RALYL: variants seen among roughly 807,000 people sequenced by gnomAD.
RALYL encodes the protein RNA-binding Raly-like protein.
In RALYL, 29 loss-of-function variants were observed where a neutral mutation model predicts 35.1. The ratio of observed to expected loss-of-function variants is 0.83; its 90% CI spans 0.61 to 1.13. RALYL has a LOEUF of 1.13. Among genes scored for constraint, RALYL ranks in the 50% most tolerant of loss-of-function variants. The probability of loss-of-function intolerance (pLI) is 0.00; values close to 1 mark genes in which losing one functional copy is unlikely to be tolerated. For synonymous variants in RALYL, 120 were observed against 127.6 expected (o/e 0.94, Z 0.40); for missense variants, 359 against 360.4 (o/e 1.00, Z 0.03).
chr8:84,838,391 G>T (rs1442111375), intron 4 of RALYL, among the ~76,000 whole-genome samples: 3 of 152,152 alleles, frequency 2.0e-5, no homozygotes, highest in South Asian at 4.1e-4. Context: ...AATCAGACTT[G>T]CCCTGGTGTG....
intron 8 of RALYL, among the ~76,000 whole-genome samples, chr8:84,904,622 C>T (rs1846184210): frequency 1.3e-5 from 2 of 151,248 alleles, no homozygotes. Flanking sequence ...AAATAGTTCA[C>T]GGGTTGTCTA....
intron 1 of RALYL, among the ~76,000 whole-genome samples, chr8:84,441,793 G>A (rs2048358340): frequency 6.6e-6 from 1 of 152,010 alleles, no homozygotes; most frequent in Non-Finnish European, 1.5e-5. Flanking sequence ...CAAAATAGGG[G>A]TTTTCATTGT....
intron 1 of RALYL, among the ~76,000 whole-genome samples, chr8:84,463,357 G>A (rs2051052635): frequency 6.6e-6 from 1 of 151,930 alleles, no homozygotes; most frequent in Non-Finnish European, 1.5e-5. Flanking sequence ...ATAGCATACT[G>A]CACTATCATA....
At chr8:84,627,124 A>G (rs1822905851) in intron 2 of RALYL, among the ~76,000 whole-genome samples, 1 of 152,208 alleles carries the variant, frequency 6.6e-6, no homozygotes, top group Admixed American at 6.5e-5. Flanking sequence ...TTACTGCAAC[A>G]ATAGAAGCAT....
chr8:84,757,425 GA>G, intron 2 of RALYL, among the ~76,000 whole-genome samples: 1 of 152,216 alleles, frequency 6.6e-6, no homozygotes, highest in Non-Finnish European at 1.5e-5. Flanking sequence ...AAATTCTTGG[GA>G]AAAAACTGCC....
At chr8:84,579,297 G>T (rs1810279650) in intron 2 of RALYL, among the ~76,000 whole-genome samples, 1 of 152,178 alleles carries the variant, frequency 6.6e-6, no homozygotes, top group African/African-American at 2.4e-5. Flanking sequence ...ACCAGGAGTG[G>T]GCAGAGGACA....
intron 1 of RALYL, chr8:84,184,731 GCCGGGCA>G: frequency 2.5e-6 from 1 of 401,884 alleles, no homozygotes; most frequent in South Asian, 7.3e-5. Context: ...GGCCGCGCCG[GCCGGGCA>G]CTAGGCGGCC....
chr8:84,905,790 G>A (rs946304380), intron 8 of RALYL, among the ~76,000 whole-genome samples: 4 of 150,252 alleles, frequency 2.7e-5, no homozygotes, highest in East Asian at 2.0e-4. Context: ...TCTGCCTCCC[G>A]GGTTCAAGCA....
chr8:84,914,923 A>G (rs1318236855), intron 8 of RALYL, among the ~76,000 whole-genome samples: 2 of 151,976 alleles, frequency 1.3e-5, no homozygotes, highest in Admixed American at 1.3e-4. Context: ...TGGTGTTCCC[A>G]GGCTGCCTCA....
intron 1 of RALYL, among the ~76,000 whole-genome samples, chr8:84,478,417 TAGAAA>T: frequency 6.6e-6 from 1 of 152,274 alleles, no homozygotes; most frequent in Middle Eastern, 3.4e-3. Context: ...AATAAAAGAA[TAGAAA>T]AGTTAATGTA....
intron 2 of RALYL, among the ~76,000 whole-genome samples, chr8:84,667,297 A>G (rs542146407): frequency 5.3e-5 from 8 of 152,050 alleles, no homozygotes; most frequent in Non-Finnish European, 1.0e-4. Context: ...GAGTACTTCC[A>G]TCAAGAGACC....
chr8:84,697,774 T>C (rs983471063), intron 2 of RALYL, among the ~76,000 whole-genome samples: 5 of 152,012 alleles, frequency 3.3e-5, no homozygotes, highest in African/African-American at 1.2e-4. Flanking sequence ...AGTGTCTGTT[T>C]TTCCCCGCTA....
At chr8:84,539,854 GTATATATATATATA>G (rs1294869865) in intron 2 of RALYL, among the ~76,000 whole-genome samples, 1 of 24,202 alleles carries the variant, frequency 4.1e-5, no homozygotes, top group African/African-American at 1.0e-4. Flanking sequence ...ATATATATAT[GTATATATATATATA>G]TATATATATG....
chr8:84,787,111 C>G (rs111855714), intron 3 of RALYL, among the ~76,000 whole-genome samples: 1 of 152,112 alleles, frequency 6.6e-6, no homozygotes, highest in Non-Finnish European at 1.5e-5. Context: ...CTGCACCCAT[C>G]AACCCGTCAT....
At chr8:84,598,025 C>T (rs112799475) in intron 2 of RALYL, among the ~76,000 whole-genome samples, 110 of 152,216 alleles carry the variant, frequency 7.2e-4, no homozygotes, top group African/African-American at 2.5e-3. Context: ...ACATACAAAC[C>T]TCTGCTATCT....
intron 1 of RALYL, among the ~76,000 whole-genome samples, chr8:84,341,091 G>T (rs760642278): frequency 2.0e-5 from 3 of 148,536 alleles, no homozygotes; most frequent in Non-Finnish European, 4.5e-5. Context: ...TCATATGCTT[G>T]TTGACCATTT....
chr8:84,629,072 A>G (rs1374987422), intron 2 of RALYL, among the ~76,000 whole-genome samples: 1 of 152,070 alleles, frequency 6.6e-6, no homozygotes, highest in Non-Finnish European at 1.5e-5. Flanking sequence ...ATACACTGGA[A>G]GTGGCTACAG....
At chr8:84,623,801 T>A (rs897605615) in intron 2 of RALYL, among the ~76,000 whole-genome samples, 20 of 151,898 alleles carry the variant, frequency 1.3e-4, no homozygotes, top group African/African-American at 4.4e-4. Flanking sequence ...GGAAAAAAAA[T>A]TTAAAATATC....
chr8:84,323,838 A>G (rs996102681), intron 1 of RALYL, among the ~76,000 whole-genome samples: 1 of 152,100 alleles, frequency 6.6e-6, no homozygotes, highest in African/African-American at 2.4e-5. Context: ...CCATCTTACA[A>G]TGGATGAGTG....
Sources: allele counts gnomAD v4.1 joint callset (sites outside exome capture counted in the v4.1 genomes callset), GRCh38; gene constraint gnomAD v4.1.1; transcripts MANE v1.5; gene names NCBI Gene and HGNC (gene_info 2026-07-23, HGNC 2026-07-21).